The following CRACDL variants were observed in gnomAD, a reference collection of about 807,000 sequenced individuals.
The protein encoded by CRACDL is CRACD-like protein.
Under a neutral mutation model 70.6 loss-of-function variants are expected in CRACDL, and 26 were observed. That is an observed-to-expected ratio of 0.37 (90% CI 0.27 to 0.51). CRACDL has a LOEUF of 0.51. Among genes scored for constraint, CRACDL ranks in the 20% least tolerant of loss-of-function variants. The pLI, the probability that CRACDL is intolerant of heterozygous loss-of-function variation, is 0.94. For synonymous variants in CRACDL, 618 were observed against 615.2 expected, an observed-to-expected ratio of 1.00 and a Z score of -0.07; for missense variants, 1,283 against 1,376.9, an observed-to-expected ratio of 0.93 and a Z score of 1.08.
chr2:98,903,988 C>T (rs539107976), intron 1 of CRACDL, among the ~76,000 whole-genome samples: 2 of 152,310 alleles, frequency 1.3e-5, no homozygotes, highest in Non-Finnish European at 2.9e-5. Context: ...CCCAGAAAGA[C>T]ATCTGCAAAA....
intron 1 of CRACDL, among the ~76,000 whole-genome samples, chr2:98,927,917 A>G (rs2048948): frequency 0.39 from 58,571 of 151,388 alleles, 11,677 homozygotes; most frequent in Admixed American, 0.52. Context: ...GCAGTGGCTC[A>G]TGCCTGTAAT....
In CRACDL at chr2:98,832,361, C is replaced by G. The variant is rs1162528233; in HGVS notation, c.527G>C (p.Gly176Ala). 6.2e-7 allele frequency: 1 copy of G among 1,614,064 alleles called. No homozygotes were observed. Among genetic ancestry groups the G allele is most frequent in the Non-Finnish European group, 8.5e-7 (1 of 1,180,046 alleles). ...GGCCGCACTTGCCTTTATGGTGGTA[C>G]CAGGACCCACGTCGTGCAGCAGAGA... ...EMSLLHDVGP[G>A]TTIKVSVVSP... is the part of the protein sequence containing the mutation. The change falls in exon 5 of 10, where the codon GGT becomes GCT. Residue 176 changes from glycine (G) to alanine (A), a missense_variant. Physicochemically the swap from Gly to Ala is moderately conservative, Grantham distance 60. Transcript: ENST00000397899.
chr2:98,856,899 T>A (rs1319297529), intron 1 of CRACDL, among the ~76,000 whole-genome samples: 1 of 152,084 alleles, frequency 6.6e-6, no homozygotes, highest in African/African-American at 2.4e-5. Context: ...ACCAGTAAGA[T>A]CTTCTCATGA....
At chr2:98,915,274 C>G (rs561445297) in intron 1 of CRACDL, among the ~76,000 whole-genome samples, 1 of 152,326 alleles carries the variant, frequency 6.6e-6, no homozygotes, top group South Asian at 2.1e-4. Context: ...CTACACGGAA[C>G]AGCACAGGCT....
At chr2:98,898,297 T>C (rs1314419514) in intron 1 of CRACDL, among the ~76,000 whole-genome samples, 1 of 152,190 alleles carries the variant, frequency 6.6e-6, no homozygotes, top group Admixed American at 6.5e-5. Context: ...TGGTATGCAA[T>C]GTGGGGGCCT....
chr2:98,817,302 A>G (rs796393370), intron 7 of CRACDL, among the ~76,000 whole-genome samples: 14 of 152,344 alleles, frequency 9.2e-5, no homozygotes, highest in African/African-American at 2.6e-4. Context: ...GTACCTATAG[A>G]CAACAATACT....
At chr2:98,835,408 A>G (rs1351543382) in intron 3 of CRACDL, among the ~76,000 whole-genome samples, 1 of 152,210 alleles carries the variant, frequency 6.6e-6, no homozygotes, top group Non-Finnish European at 1.5e-5. Context: ...AAATATACCA[A>G]ATAAACCTGA....
rs1705201865 is a variant in CRACDL at position 98,823,920 on chromosome 2, C to G, written c.736-383G>C. Among the ~76,000 whole-genome samples the G allele has an allele frequency of 6.6e-6, 1 of 152,198 alleles. No individual in the cohort carries two copies. The highest frequency in any genetic ancestry group is 2.1e-4 in the South Asian group (1 of 4,834). ...TCCCAGTGAGGAAGGGATGATGAGT[C>G]CCTTTTTGCACTTGAGAGCCAGGAA... On this transcript the variant is annotated intron_variant, in intron 6 of 9. Transcript: ENST00000397899. The surrounding 1 kb of genome is among the most constrained non-coding windows in gnomAD (Gnocchi z 4.0).
intron 1 of CRACDL, among the ~76,000 whole-genome samples, chr2:98,855,149 G>A (rs1206971734): frequency 3.9e-5 from 6 of 152,152 alleles, no homozygotes; most frequent in East Asian, 3.9e-4. Context: ...GCATGGTGGC[G>A]CATTCCTGTA....
At position 98,794,328 on chromosome 2, in the gene CRACDL, G is replaced by A. The variant is rs771354532; in HGVS notation, c.*204C>T. On this transcript the variant is annotated 3_prime_UTR_variant, in exon 10 of 10. Transcript: ENST00000397899. ...CCTGGACTTTTTCAATGTTGTTCTT[G>A]TTTCTGGGCCCTCTGGCCCAGGAGT... The A allele has an allele frequency of 4.4e-6, 2 of 456,560 alleles. No individual in the cohort carries two copies. The highest frequency in any genetic ancestry group is 5.2e-5 in the South Asian group (1 of 19,288). 28.3% of individuals were successfully genotyped at this position (456,560 alleles called of 1,614,324 possible).
At chr2:98,802,633 T>C (rs575797442) in intron 7 of CRACDL, among the ~76,000 whole-genome samples, 1 of 152,342 alleles carries the variant, frequency 6.6e-6, no homozygotes, top group South Asian at 2.1e-4. Context: ...TTAGTGCCTA[T>C]TAAAATTCAG....
In CRACDL at chr2:98,846,592, C is replaced by A. The variant is rs1706264008; in HGVS notation, c.70+139G>T. ...TGCCCCCAGTCACAGCGTGAAGGGCCTGGGGGTATCTGAGCACACTGGGAA... is the reference window on the plus strand; with the variant it reads ...TGCCCCCAGTCACAGCGTGAAGGGCATGGGGGTATCTGAGCACACTGGGAA... On this transcript the variant is annotated intron_variant, in intron 2 of 9. Coordinates refer to ENST00000397899, the MANE Select transcript of CRACDL (RefSeq NM_207362.3). The A allele has an allele frequency of 9.0e-6, 6 of 665,884 alleles. No homozygotes were observed. In the East Asian group the frequency reaches 1.6e-4, roughly 18 times the overall value. 41.2% of individuals were successfully genotyped at this position (665,884 alleles called of 1,614,324 possible). A position where few individuals can be genotyped will look rare whatever the true frequency, so the allele number is the denominator to read the frequency against.
chr2:98,909,054 G>A (rs537198522), intron 1 of CRACDL, among the ~76,000 whole-genome samples: 10 of 152,288 alleles, frequency 6.6e-5, no homozygotes, highest in African/African-American at 1.7e-4. Context: ...GTATAAATGC[G>A]TCCTGAGTTT....
At chr2:98,929,567 G>A (rs930897002) in intron 1 of CRACDL, among the ~76,000 whole-genome samples, 4 of 152,158 alleles carry the variant, frequency 2.6e-5, no homozygotes, top group African/African-American at 9.7e-5. Context: ...CCTGAAGTGA[G>A]TGTAAGCAAA....
intron 7 of CRACDL, among the ~76,000 whole-genome samples, chr2:98,814,625 C>T (rs994482023): frequency 2.0e-5 from 3 of 152,076 alleles, no homozygotes; most frequent in Admixed American, 2.0e-4. Context: ...TTGAAAAGAA[C>T]ATGTATTCTG....
At chr2:98,810,521 G>A (rs1345394647) in intron 7 of CRACDL, among the ~76,000 whole-genome samples, 4 of 152,122 alleles carry the variant, frequency 2.6e-5, no homozygotes, top group South Asian at 2.1e-4. Context: ...GCATGGGGAC[G>A]TGGGAGGATA....
chr2:98,894,319 A>G (rs1708061449), intron 1 of CRACDL, among the ~76,000 whole-genome samples: 1 of 152,214 alleles, frequency 6.6e-6, no homozygotes, highest in African/African-American at 2.4e-5. Context: ...GGCTCAGGAG[A>G]GGCCACATGA....
In CRACDL at chr2:98,838,218, G is replaced by A. The variant is rs1266184901; in HGVS notation, c.140C>T (p.Ser47Leu). ...TTTCCAGGTGCTACTTCCTGTGGACGACGGCGATTCTTTTCTCTTCTTCTT... is the reference window on the plus strand; with the variant it reads ...TTTCCAGGTGCTACTTCCTGTGGACAACGGCGATTCTTTTCTCTTCTTCTT... ...FGKKKRKESP[S>L]STGSSTWKQS... The change falls in exon 3 of 10, where the codon TCG becomes TTG. Residue 47 changes from serine (S) to leucine (L), a missense_variant. Ser to Leu is a moderately radical substitution (Grantham distance 145). This residue lies in a region of CRACDL where 362 missense variants were observed against 495.0 expected (regional missense o/e 0.73). Coordinates refer to ENST00000397899, the MANE Select transcript of CRACDL (RefSeq NM_207362.3). 3.7e-6 allele frequency: 6 copies of A among 1,613,708 alleles called. No homozygotes were observed. Among genetic ancestry groups the A allele is most frequent in the African/African-American group, 2.7e-5 (2 of 75,018 alleles).
intron 7 of CRACDL, among the ~76,000 whole-genome samples, chr2:98,805,839 G>A (rs1559202312): frequency 6.6e-6 from 1 of 152,226 alleles, no homozygotes; most frequent in Non-Finnish European, 1.5e-5. Flanking sequence ...GCTTTCTGTG[G>A]TTTGAATTTC....
Sources: allele counts gnomAD v4.1 joint callset (sites outside exome capture counted in the v4.1 genomes callset), GRCh38; gene constraint gnomAD v4.1.1; regional missense constraint gnomAD v4.1.1; non-coding constraint Gnocchi (gnomAD v3.1); transcripts MANE v1.5; gene names NCBI Gene and HGNC (gene_info 2026-07-23, HGNC 2026-07-21).